Variants in ARID2 observed in about 807,000 individuals in gnomAD.
The protein encoded by ARID2 is AT-rich interactive domain-containing protein 2.
A neutral mutation model predicts 184.6 loss-of-function variants in ARID2; 32 were observed. That is an observed-to-expected ratio of 0.17 (90% CI 0.13 to 0.23). The LOEUF (loss-of-function observed/expected upper bound fraction) is 0.23, where lower values mean the gene tolerates loss of function less well. Among genes scored for constraint, ARID2 ranks in the 10% least tolerant of loss-of-function variants. The pLI, the probability that ARID2 is intolerant of heterozygous loss-of-function variation, is 1.00. For synonymous variants in ARID2, 836 were observed against 772.6 expected, an observed-to-expected ratio of 1.08 and a Z score of -1.36; for missense variants, 1,696 against 2,197.6, an observed-to-expected ratio of 0.77 and a Z score of 4.56.
intron 3 of ARID2, among the ~76,000 whole-genome samples, chr12:45,808,761 ATGTGTG>A (rs533034285): frequency 7.1e-6 from 1 of 141,046 alleles, no homozygotes; most frequent in Non-Finnish European, 1.6e-5. Context: ...GTGTGTGTGT[ATGTGTG>A]TGTGTGTGTG....
intron 16 of ARID2, among the ~76,000 whole-genome samples, chr12:45,876,160 T>C (rs1263447054): frequency 4.6e-5 from 7 of 152,222 alleles, no homozygotes; most frequent in African/African-American, 1.7e-4. Flanking sequence ...GGGTTATTAA[T>C]TGGCCTAATT....
chr12:45,794,997 T>TACTA (rs1328145483), intron 3 of ARID2, among the ~76,000 whole-genome samples: 1 of 152,080 alleles, frequency 6.6e-6, no homozygotes, highest in African/African-American at 2.4e-5. Flanking sequence ...CTCTAAAACA[T>TACTA]ACTATCTTGT....
At chr12:45,824,088 C>G (rs1354537446) in intron 6 of ARID2, among the ~76,000 whole-genome samples, 3 of 152,014 alleles carry the variant, frequency 2.0e-5, no homozygotes, top group Non-Finnish European at 2.9e-5. Flanking sequence ...AGTGCACCAT[C>G]ATTAAGCTGG....
rs187905045 is a variant in ARID2, at chr12:45,830,977, G to C, written c.706-5612G>C. Among the ~76,000 whole-genome samples, 18 of 151,438 alleles carry C rather than the reference G, an allele frequency of 1.2e-4. No individual in the cohort carries two copies. The East Asian group carries it at 3.1e-3, about 26-fold the overall frequency. On this transcript the variant is annotated intron_variant, in intron 6 of 20. Transcript: ENST00000334344. ...GGAGGCTGAGGCAGGAGAATCACTTGAGCCCAGGAGGCAGAGGTTGCAGTG... is the reference window on the plus strand; with the variant it reads ...GGAGGCTGAGGCAGGAGAATCACTTCAGCCCAGGAGGCAGAGGTTGCAGTG...
chr12:45,855,801 C>T (rs758762844), intron 15 of ARID2, among the ~76,000 whole-genome samples: 1 of 152,142 alleles, frequency 6.6e-6, no homozygotes, highest in Admixed American at 6.6e-5. Context: ...ACTGCAGCCT[C>T]GACCTCCTTG....
chr12:45,902,932 A>G (rs925324075), intron 20 of ARID2, among the ~76,000 whole-genome samples: 2 of 152,232 alleles, frequency 1.3e-5, no homozygotes, highest in African/African-American at 4.8e-5. Flanking sequence ...TAAAGATTTT[A>G]TAAAACAGAA....
At chr12:45,809,190 A>T (rs905533831) in intron 3 of ARID2, among the ~76,000 whole-genome samples, 8 of 152,226 alleles carry the variant, frequency 5.3e-5, no homozygotes, top group South Asian at 2.1e-4. Flanking sequence ...TATAAAGATT[A>T]TTTATCTGTA....
intron 3 of ARID2, among the ~76,000 whole-genome samples, chr12:45,743,682 TG>T (rs1163795589): frequency 1.3e-5 from 2 of 152,188 alleles, no homozygotes; most frequent in Non-Finnish European, 2.9e-5. Flanking sequence ...GGTCTTTTTA[TG>T]GGGGTTGCAT....
intron 3 of ARID2, among the ~76,000 whole-genome samples, chr12:45,745,608 C>T (rs1053827745): frequency 4.6e-5 from 7 of 152,110 alleles, no homozygotes; most frequent in Admixed American, 1.3e-4. Flanking sequence ...AATGCAGTGG[C>T]GCAATCTCGG....
At chr12:45,828,284 G>A (rs186657795) in intron 6 of ARID2, among the ~76,000 whole-genome samples, 33 of 151,608 alleles carry the variant, frequency 2.2e-4, no homozygotes, top group Admixed American at 1.8e-3. Context: ...CATGCATATC[G>A]TTGCAAGTAT....
intron 16 of ARID2, among the ~76,000 whole-genome samples, chr12:45,869,075 A>G (rs1203612697): frequency 6.6e-6 from 1 of 151,646 alleles, no homozygotes; most frequent in Non-Finnish European, 1.5e-5. Flanking sequence ...GCTGGAGTAC[A>G]TTGGCAAGAT....
chr12:45,750,365 G>T (rs936428509), intron 3 of ARID2, among the ~76,000 whole-genome samples: 3 of 152,126 alleles, frequency 2.0e-5, no homozygotes, highest in Admixed American at 2.0e-4. Flanking sequence ...AAAGATTACT[G>T]ATCAGAGATC....
intron 20 of ARID2, among the ~76,000 whole-genome samples, chr12:45,895,507 T>G (rs1433183810): frequency 6.6e-6 from 1 of 152,108 alleles, no homozygotes; most frequent in Non-Finnish European, 1.5e-5. Flanking sequence ...GATAGACAGG[T>G]GGTGGGAAAT....
intron 3 of ARID2, among the ~76,000 whole-genome samples, chr12:45,780,467 G>T (rs1942068122): frequency 6.6e-6 from 1 of 152,006 alleles, no homozygotes; most frequent in Non-Finnish European, 1.5e-5. Context: ...CAAGCTGATA[G>T]AAAATAAAGC....
intron 3 of ARID2, among the ~76,000 whole-genome samples, chr12:45,792,101 C>T (rs1429231989): frequency 6.6e-6 from 1 of 151,898 alleles, no homozygotes; most frequent in Non-Finnish European, 1.5e-5. Context: ...CTTTTATTCC[C>T]TTCTATTTTA....
chr12:45,791,701 C>T (rs1453872636), intron 3 of ARID2, among the ~76,000 whole-genome samples: 1 of 152,112 alleles, frequency 6.6e-6, no homozygotes, highest in Non-Finnish European at 1.5e-5. Flanking sequence ...CTCAGGTGAT[C>T]CTCCCACTGC....
chr12:45,789,054 A>AAT (rs1942245964), intron 3 of ARID2: 1 of 152,154 alleles, frequency 6.6e-6, no homozygotes, highest in Admixed American at 6.5e-5. Context: ...ACAAACATTT[A>AAT]ATAAGGGCCT....
In ARID2 at chr12:45,851,815, C is replaced by T. The variant is rs2138173906; in HGVS notation, c.3692C>T (p.Thr1231Ile). ...QASPAGQSSC[T>I]TATPPFKGDK... ...TCTCCTGCTGGACAATCATCATGTA[C>T]TACTGCTACTCCCCCATTCAAAGGT... Residue 1231 changes from threonine (T) to isoleucine (I), a missense_variant, in exon 15 of 21, where the codon ACT becomes ATT. Physicochemically the swap from Thr to Ile is moderately conservative, Grantham distance 89 (BLOSUM62 -1). Around this residue, in one of 11 missense-constraint regions of ARID2, gnomAD observed 428 missense variants for 409.1 expected, o/e 1.05. Transcript: ENST00000334344. The T allele has an allele frequency of 6.2e-7, 1 of 1,614,132 alleles. No individual in the cohort carries two copies. The highest frequency in any genetic ancestry group is 8.5e-7 in the Non-Finnish European group (1 of 1,180,006).
intron 3 of ARID2, among the ~76,000 whole-genome samples, chr12:45,781,502 C>A (rs1253828569): frequency 6.7e-6 from 1 of 149,220 alleles, no homozygotes. Context: ...TACTTGCTAG[C>A]CTTCCGGTAA....
Sources: gnomAD v4.1 joint callset for allele counts (sites outside exome capture counted in the v4.1 genomes callset) on GRCh38, gnomAD v4.1.1 for gene constraint, gnomAD v4.1.1 regional missense constraint, MANE v1.5 for transcripts, NCBI Gene and HGNC (gene_info 2026-07-23, HGNC 2026-07-21) for gene names.